Variants in UPP2 observed in about 807,000 individuals in gnomAD.
UPP2 encodes UPase 2.
Under a neutral mutation model 26.7 loss-of-function variants are expected in UPP2, and 23 were observed. The ratio of observed to expected loss-of-function variants is 0.86; its 90% CI spans 0.62 to 1.22. The LOEUF (loss-of-function observed/expected upper bound fraction) is 1.22, where lower values mean the gene tolerates loss of function less well. Among genes scored for constraint, UPP2 ranks in the 50% most tolerant of loss-of-function variants. UPP2 has a pLI of 0.00. For synonymous variants in UPP2, 127 were observed against 141.3 expected, an observed-to-expected ratio of 0.90 and a Z score of 0.72; for missense variants, 387 against 396.7, an observed-to-expected ratio of 0.98 and a Z score of 0.21.
chr2:158,090,087 T>C (rs1431584345), intron 3 of UPP2, among the ~76,000 whole-genome samples: 3 of 152,194 alleles, frequency 2.0e-5, no homozygotes, highest in Admixed American at 6.5e-5. Flanking sequence ...ATTTATTATA[T>C]ATTTAAAAAT....
intron 3 of UPP2, among the ~76,000 whole-genome samples, chr2:158,028,365 G>T (rs1353620643): frequency 1.3e-5 from 2 of 152,116 alleles, no homozygotes; most frequent in African/African-American, 4.8e-5. Flanking sequence ...TCAAAATGCT[G>T]CCAATCTCTT....
intron 3 of UPP2, among the ~76,000 whole-genome samples, chr2:158,031,846 G>C (rs1235135927): frequency 2.0e-5 from 3 of 152,102 alleles, no homozygotes; most frequent in African/African-American, 7.2e-5. Context: ...AAATACTAGC[G>C]TTCTTTCTTT....
chr2:158,097,594 A>G (rs1246744894), upstream of UPP2, among the ~76,000 whole-genome samples: 2 of 152,222 alleles, frequency 1.3e-5, no homozygotes, highest in Admixed American at 1.3e-4. Flanking sequence ...TGAGACTGGA[A>G]ACAGGAGCTT....
chr2:158,003,141 G>T (rs80279263), intron 2 of UPP2, among the ~76,000 whole-genome samples: 3,259 of 152,122 alleles, frequency 0.021, 44 homozygotes, highest in South Asian at 0.049. Context: ...GGGTAGGTGG[G>T]GTGTCACAAC....
chr2:158,050,994 A>C (rs1206257445), intron 3 of UPP2, among the ~76,000 whole-genome samples: 1 of 152,182 alleles, frequency 6.6e-6, no homozygotes, highest in Admixed American at 6.5e-5. Flanking sequence ...TGACTAATTC[A>C]CAGAGCATGC....
intron 3 of UPP2, among the ~76,000 whole-genome samples, chr2:158,016,532 G>C (rs1683662761): frequency 6.6e-6 from 1 of 151,860 alleles, no homozygotes; most frequent in African/African-American, 2.4e-5. Context: ...GTAGAGACAG[G>C]GCTTCACCAT....
intron 3 of UPP2, among the ~76,000 whole-genome samples, chr2:158,075,068 A>T (rs1325440325): frequency 2.0e-5 from 3 of 152,144 alleles, no homozygotes; most frequent in Non-Finnish European, 2.9e-5. Flanking sequence ...GTTCAGCAAG[A>T]GAAAATAACA....
intron 4 of UPP2, among the ~76,000 whole-genome samples, chr2:158,120,778 G>A (rs1462711414): frequency 6.6e-6 from 1 of 151,924 alleles, no homozygotes; most frequent in Non-Finnish European, 1.5e-5. Flanking sequence ...AGTAAATTAA[G>A]CTGACACCTG....
chr2:158,106,086 T>A lies in UPP2; in HGVS notation c.63-13T>A. 6.7e-7 allele frequency: 1 copy of A among 1,501,920 alleles called. No individual in the cohort carries two copies. Among genetic ancestry groups the A allele is most frequent in the Non-Finnish European group, 9.0e-7 (1 of 1,109,550 alleles). 93.0% of individuals were successfully genotyped at this position (1,501,920 alleles called of 1,614,324 possible). The stretch of plus-strand genomic sequence containing the variant: ...ATTCTTTTATATCTTCTTTGTATAA[T>A]TTTTTTTTCCAGAAAAAGGTTTGTT... On this transcript the variant is annotated splice_polypyrimidine_tract_variant and intron_variant, in intron 1 of 6. Coordinates refer to ENST00000005756, the MANE Select transcript of UPP2 (RefSeq NM_173355.4).
chr2:158,103,084 T>C (rs1017970518), intron 1 of UPP2, among the ~76,000 whole-genome samples: 1 of 152,220 alleles, frequency 6.6e-6, no homozygotes, highest in Non-Finnish European at 1.5e-5. Context: ...AAATTATATA[T>C]TTTGGAAAAA....
intron 3 of UPP2, among the ~76,000 whole-genome samples, chr2:158,026,872 G>A (rs886988426): frequency 6.6e-6 from 1 of 152,168 alleles, no homozygotes; most frequent in Non-Finnish European, 1.5e-5. Flanking sequence ...TTCTTACATA[G>A]TGACAGCAAG....
At chr2:158,021,750 A>C (rs1012981450) in intron 3 of UPP2, among the ~76,000 whole-genome samples, 3 of 152,334 alleles carry the variant, frequency 2.0e-5, no homozygotes, top group Non-Finnish European at 2.9e-5. Context: ...TAGGAAAGAG[A>C]GAGAGCTAGT....
At chr2:158,044,552 C>G (rs1029923054) in intron 3 of UPP2, among the ~76,000 whole-genome samples, 2 of 151,978 alleles carry the variant, frequency 1.3e-5, no homozygotes, top group Admixed American at 1.3e-4. Flanking sequence ...GAGACTATTA[C>G]GACATTTACA....
At chr2:158,129,822 G>C (rs1002132570) in intron 6 of UPP2, among the ~76,000 whole-genome samples, 8 of 151,354 alleles carry the variant, frequency 5.3e-5, no homozygotes, top group African/African-American at 1.9e-4. Context: ...TTGGAACACA[G>C]TGGTATGACC....
At chr2:158,060,014 A>C (rs1262712068) in intron 3 of UPP2, among the ~76,000 whole-genome samples, 2 of 152,210 alleles carry the variant, frequency 1.3e-5, no homozygotes, top group Admixed American at 1.3e-4. Context: ...GCATTAATAC[A>C]TTAATTAACA....
rs760249159 is a variant in UPP2, at chr2:158,123,901, C to CT, written c.811+10dup. ...TGGACTCTGTGGTCTAAAAGGTAAG[C>CT]TTTTCGTGAATGCTTAGGGTCAAAT... On this transcript the variant is annotated splice_region_variant and intron_variant, in intron 6 of 6. Coordinates refer to ENST00000005756, the MANE Select transcript of UPP2 (RefSeq NM_173355.4). 5 of 1,611,510 alleles carry CT rather than the reference C, an allele frequency of 3.1e-6. No individual in the cohort carries two copies. The highest frequency in any genetic ancestry group is 4.2e-6 in the Non-Finnish European group (5 of 1,178,782).
intron 1 of UPP2, among the ~76,000 whole-genome samples, chr2:158,103,272 G>A (rs7568477): frequency 0.081 from 12,257 of 152,162 alleles, 875 homozygotes; most frequent in African/African-American, 0.18. Context: ...ATCATTAGAC[G>A]TTGGGACAGG....
intron 3 of UPP2, among the ~76,000 whole-genome samples, chr2:158,094,355 AT>A (rs1278081449): frequency 6.6e-6 from 1 of 152,204 alleles, no homozygotes; most frequent in Admixed American, 6.5e-5. Context: ...AAAATTAAAA[AT>A]TTTAACTATA....
At chr2:158,068,755 T>C (rs1471804900) in intron 3 of UPP2, among the ~76,000 whole-genome samples, 4 of 102,708 alleles carry the variant, frequency 3.9e-5, no homozygotes, top group Non-Finnish European at 7.5e-5. Context: ...CCTTAAAGCA[T>C]TCAAATTCAA....
Sources: gnomAD v4.1 joint callset for allele counts (sites outside exome capture counted in the v4.1 genomes callset) on GRCh38, gnomAD v4.1.1 for gene constraint, MANE v1.5 for transcripts, NCBI Gene and HGNC (gene_info 2026-07-23, HGNC 2026-07-21) for gene names.